Variants in NNT observed in about 807,000 individuals in gnomAD.
The protein encoded by NNT is NAD(P) transhydrogenase, mitochondrial.
In NNT, 50 loss-of-function variants were observed where a neutral mutation model predicts 104.8. That is an observed-to-expected ratio of 0.48 (90% CI 0.38 to 0.60). The LOEUF (loss-of-function observed/expected upper bound fraction) is 0.60, where lower values mean the gene tolerates loss of function less well. Ranked by LOEUF, NNT falls within the 20% of genes least tolerant of loss-of-function variation. The probability of loss-of-function intolerance (pLI) is 0.00; values close to 1 mark genes in which losing one functional copy is unlikely to be tolerated. For synonymous variants in NNT, 461 were observed against 490.4 expected (o/e 0.94, Z 0.79); for missense variants, 1,131 against 1,330.7 (o/e 0.85, Z 2.33).
chr5:43,647,375 A>G (rs1262231836), intron 10 of NNT, among the ~76,000 whole-genome samples: 2 of 152,242 alleles, frequency 1.3e-5, no homozygotes, highest in Admixed American at 6.5e-5. Flanking sequence ...AGCAAGGCAC[A>G]TATAATGATT....
chr5:43,649,358 C>A, intron 11 of NNT, 50 bp downstream of exon 11: 1 of 1,597,596 alleles, frequency 6.3e-7, no homozygotes, highest in Non-Finnish European at 8.6e-7. Context: ...TAGGGTTACT[C>A]AGCTCTAGGA....
intron 2 of NNT, among the ~76,000 whole-genome samples, chr5:43,611,334 A>G (rs1452029693): frequency 4.6e-5 from 7 of 152,024 alleles, no homozygotes; most frequent in Admixed American, 2.6e-4. Flanking sequence ...TGTCCCTTGT[A>G]TGTGCTTAAA....
chr5:43,698,156 T>C (rs1351451469), intron 19 of NNT, among the ~76,000 whole-genome samples: 1 of 151,802 alleles, frequency 6.6e-6, no homozygotes, highest in African/African-American at 2.4e-5. Flanking sequence ...TGGATGAATA[T>C]ATTATATAAT....
chr5:43,703,656 CAT>C (rs1215196892), intron 21 of NNT, among the ~76,000 whole-genome samples: 4 of 152,172 alleles, frequency 2.6e-5, no homozygotes, highest in Non-Finnish European at 5.9e-5. Flanking sequence ...ATCCATAACA[CAT>C]GTCATTGTAA....
chr5:43,615,068 C>T (rs1218826155), intron 3 of NNT, among the ~76,000 whole-genome samples: 10 of 151,730 alleles, frequency 6.6e-5, no homozygotes, highest in African/African-American at 2.2e-4. Context: ...ACCCGGGAAG[C>T]GGAGCTTGCA....
intron 19 of NNT, among the ~76,000 whole-genome samples, chr5:43,692,478 C>T (rs1184256307): frequency 1.3e-5 from 2 of 152,186 alleles, no homozygotes; most frequent in Non-Finnish European, 2.9e-5. Flanking sequence ...CACCCACCAC[C>T]ATGCCCAGCT....
chr5:43,662,700 C>G (rs773806028), intron 17 of NNT, among the ~76,000 whole-genome samples: 1 of 152,024 alleles, frequency 6.6e-6, no homozygotes, highest in Non-Finnish European at 1.5e-5. Flanking sequence ...CAAGACCAAC[C>G]TGGGCAACAT....
intron 14 of NNT, 144 bp from the exon 15 acceptor site, chr5:43,655,696 C>A (rs1740005115): frequency 3.1e-6 from 2 of 644,490 alleles, no homozygotes; most frequent in East Asian, 2.7e-5. Context: ...TTCTGTACAG[C>A]CCCTGTAGAG....
intron 6 of NNT, among the ~76,000 whole-genome samples, chr5:43,625,676 A>G (rs944849964): frequency 3.3e-5 from 5 of 152,278 alleles, no homozygotes; most frequent in Admixed American, 2.6e-4. Context: ...CTTTCAAACA[A>G]TAACTAGGAG....
At chr5:43,607,665 C>G (rs1749298846) in intron 1 of NNT, among the ~76,000 whole-genome samples, 1 of 152,182 alleles carries the variant, frequency 6.6e-6, no homozygotes, top group Non-Finnish European at 1.5e-5. Context: ...GTTGCCCAGG[C>G]TGGTCTTGAA....
chr5:43,667,341 A>G (rs1740765579), intron 17 of NNT: 1 of 551,008 alleles, frequency 1.8e-6, no homozygotes, highest in Non-Finnish European at 3.2e-6. Context: ...TTACATATGT[A>G]TACATGCGCC....
rs1476395708 is a variant in NNT at position 43,649,299 on chromosome 5, G to C, written c.1597G>C (p.Ala533Pro). The C allele has an allele frequency of 1.2e-6, 2 of 1,614,092 alleles. No individual in the cohort carries two copies. Among genetic ancestry groups the C allele is most frequent in the Non-Finnish European group, 1.7e-6 (2 of 1,179,966 alleles). The change falls in exon 11 of 22, where the codon GCA (alanine) becomes CCA (proline). Residue 533 changes from alanine to proline, a missense_variant. Coordinates refer to ENST00000344920, the MANE Select transcript of NNT (RefSeq NM_182977.3). ...LHSPLMSVTN[A>P]ISGLTAVGGL... is the part of the protein sequence containing the mutation. Reference sequence around the variant, plus strand: ...CTCACCACTGATGTCTGTGACAAATGCAATCTCAGGTTTGTTCCTCTCTTG... The same window carrying C: ...CTCACCACTGATGTCTGTGACAAATCCAATCTCAGGTTTGTTCCTCTCTTG...
chr5:43,606,420 T>C (rs1749228662), intron 1 of NNT, among the ~76,000 whole-genome samples: 1 of 152,192 alleles, frequency 6.6e-6, no homozygotes, highest in Non-Finnish European at 1.5e-5. Flanking sequence ...TAATTTTCTC[T>C]TTATTCTCAG....
At chr5:43,626,765 T>G (rs1226220773) in intron 6 of NNT, among the ~76,000 whole-genome samples, 2 of 150,618 alleles carry the variant, frequency 1.3e-5, no homozygotes, top group Non-Finnish European at 3.0e-5. Context: ...GAACAAAATT[T>G]GGATTATTTT....
chr5:43,671,563 G>A (rs1741091563), intron 17 of NNT, among the ~76,000 whole-genome samples: 1 of 152,210 alleles, frequency 6.6e-6, no homozygotes, highest in Non-Finnish European at 1.5e-5. Context: ...GGCTGGATAT[G>A]AAATTCTGGG....
At chr5:43,685,978 C>T (rs34003086) in intron 19 of NNT, among the ~76,000 whole-genome samples, 5,682 of 152,168 alleles carry the variant, frequency 0.037, 218 homozygotes, top group East Asian at 0.2. Flanking sequence ...ATTGCTTCTT[C>T]TTCATATTTT....
In NNT at chr5:43,645,130, T is replaced by C. The variant is rs913792590; in HGVS notation, c.1291-227T>C. ...TTGCACTCTTGCTTATATGGTCCTGTACACATACAAATTACATATATATGA... is the reference window on the plus strand; with the variant it reads ...TTGCACTCTTGCTTATATGGTCCTGCACACATACAAATTACATATATATGA... On this transcript the variant is annotated intron_variant, in intron 9 of 21. Coordinates refer to ENST00000344920, the MANE Select transcript of NNT (RefSeq NM_182977.3). 4.9e-4 allele frequency among the ~76,000 whole-genome samples: 75 copies of C among 152,336 alleles called. 1 individual carries two copies. The highest frequency in any genetic ancestry group is 3.7e-3 in the Admixed American group (57 of 15,300).
intron 19 of NNT, among the ~76,000 whole-genome samples, chr5:43,693,619 A>G (rs976903846): frequency 1.3e-5 from 2 of 152,230 alleles, no homozygotes; most frequent in African/African-American, 4.8e-5. Flanking sequence ...TGTTGTCAAG[A>G]GTGACTGAAA....
chr5:43,605,016 G>A (rs1029145120), intron 1 of NNT, among the ~76,000 whole-genome samples: 14 of 152,016 alleles, frequency 9.2e-5, no homozygotes, highest in African/African-American at 3.1e-4. Context: ...TTAAGTACAG[G>A]GAAGTTAAGT....
Sources: gnomAD v4.1 joint callset for allele counts (sites outside exome capture counted in the v4.1 genomes callset) on GRCh38, gnomAD v4.1.1 for gene constraint, MANE v1.5 for transcripts, NCBI Gene and HGNC (gene_info 2026-07-23, HGNC 2026-07-21) for gene names.